The following PRLR variants were observed in gnomAD, a reference collection of about 807,000 sequenced individuals.
PRLR encodes the protein prolactin receptor.
A neutral mutation model predicts 40.2 loss-of-function variants in PRLR; 13 were observed. The ratio of observed to expected loss-of-function variants is 0.32; its 90% CI spans 0.21 to 0.51. PRLR has a LOEUF of 0.51. Ranked by LOEUF, PRLR falls within the 20% of genes least tolerant of loss-of-function variation. The pLI, the probability that PRLR is intolerant of heterozygous loss-of-function variation, is 0.97. For synonymous variants in PRLR, 269 were observed against 278.7 expected, an observed-to-expected ratio of 0.97 and a Z score of 0.35; for missense variants, 656 against 747.3, an observed-to-expected ratio of 0.88 and a Z score of 1.42.
chr5:35,220,980 A>C (rs1776402323), intron 1 of PRLR, among the ~76,000 whole-genome samples: 2 of 152,204 alleles, frequency 1.3e-5, no homozygotes, highest in African/African-American at 2.4e-5. Flanking sequence ...AGATTCTTCC[A>C]CATTTAGGAT....
At chr5:35,198,262 C>T (rs769898551) in intron 1 of PRLR, among the ~76,000 whole-genome samples, 1 of 152,254 alleles carries the variant, frequency 6.6e-6, no homozygotes, top group Non-Finnish European at 1.5e-5. Flanking sequence ...TCCAGCAGTG[C>T]TGGCCCTGAG....
intron 1 of PRLR, among the ~76,000 whole-genome samples, chr5:35,154,285 C>G (rs1579739600): frequency 1.3e-5 from 2 of 152,220 alleles, no homozygotes; most frequent in South Asian, 4.2e-4. Flanking sequence ...ACTGGATGCT[C>G]AAATAATTCA....
intron 1 of PRLR, among the ~76,000 whole-genome samples, chr5:35,127,950 T>C (rs1773525857): frequency 6.6e-6 from 1 of 152,082 alleles, no homozygotes; most frequent in Admixed American, 6.5e-5. Flanking sequence ...CAACTGTAAA[T>C]ACAGATGGTC....
chr5:35,199,255 T>C (rs553856010), intron 1 of PRLR, among the ~76,000 whole-genome samples: 2 of 152,298 alleles, frequency 1.3e-5, no homozygotes, highest in East Asian at 3.9e-4. Context: ...ATGCAGGCCC[T>C]AGTTCTTTTC....
intron 1 of PRLR, among the ~76,000 whole-genome samples, chr5:35,190,612 C>T (rs1775574291): frequency 1.1e-5 from 1 of 91,428 alleles, no homozygotes; most frequent in Non-Finnish European, 2.8e-5. Flanking sequence ...GACTTTGCCT[C>T]AGGAAAAAAA....
chr5:35,087,422 T>TGTGTGTGTG lies in PRLR; in HGVS notation c.71-1083_71-1082insCACACACAC, dbSNP rs1561284886. Among the ~76,000 whole-genome samples, 386 of 140,930 alleles carry TGTGTGTGTG rather than the reference T, an allele frequency of 2.7e-3. 1 individual carries two copies. Among genetic ancestry groups the TGTGTGTGTG allele is most frequent in the Non-Finnish European group, 5.0e-3 (323 of 64,506 alleles). The allele number at this position is 140,930 out of a possible 152,430, so 92.5% of individuals were successfully genotyped here. A position where few individuals can be genotyped will look rare whatever the true frequency, so the allele number is the denominator to read the frequency against. ...TCTCTTAGATTTTCCTCTCTTTCCT[T>TGTGTGTGTG]TGTGTGTGTGTGTGTGTGTGTGTGT... is the stretch of plus-strand genomic sequence containing the variant. On this transcript the variant is annotated intron_variant, in intron 3 of 9. Coordinates refer to ENST00000618457, the MANE Select transcript of PRLR (RefSeq NM_000949.7).
At chr5:35,159,275 A>G (rs78670707) in intron 1 of PRLR, among the ~76,000 whole-genome samples, 1,879 of 151,582 alleles carry the variant, frequency 0.012, 44 homozygotes, top group African/African-American at 0.044. Context: ...CCAGAGAACG[A>G]TTATGGCTCT....
At chr5:35,114,006 T>C (rs184000045) in intron 2 of PRLR, among the ~76,000 whole-genome samples, 266 of 152,334 alleles carry the variant, frequency 1.7e-3, no homozygotes, top group Admixed American at 3.8e-3. Context: ...AAGCTAACCA[T>C]GGTGATCTCA....
In PRLR at chr5:35,065,271, C is replaced by T; in HGVS notation, c.1687G>A (p.Asp563Asn). The change falls in exon 10 of 10, where the codon GAT becomes AAT. Residue 563 changes from aspartate to asparagine, a missense_variant. This residue lies in a region of PRLR where 469 missense variants were observed against 491.5 expected (regional missense o/e 0.95). Transcript: ENST00000618457. Reference protein sequence around the residue: ...MDNNILVLVPDPHAKNVACFE... With the variant: ...MDNNILVLVPNPHAKNVACFE... The stretch of plus-strand genomic sequence containing the variant: ...CAAGCCACGTTTTTAGCATGTGGAT[C>T]TGGCACCAACACCAGGATGTTGTTA... 6.2e-7 allele frequency: 1 copy of T among 1,614,168 alleles called. No individual in the cohort carries two copies. The highest frequency in any genetic ancestry group is 1.3e-5 in the African/African-American group (1 of 75,048).
At chr5:35,103,611 G>A in intron 2 of PRLR, among the ~76,000 whole-genome samples, 1 of 152,192 alleles carries the variant, frequency 6.6e-6, no homozygotes, top group Non-Finnish European at 1.5e-5. Flanking sequence ...CAAAATGTTA[G>A]TCAATTTCTT....
At chr5:35,096,855 A>G (rs1771562773) in intron 2 of PRLR, among the ~76,000 whole-genome samples, 1 of 152,084 alleles carries the variant, frequency 6.6e-6, no homozygotes, top group African/African-American at 2.4e-5. Context: ...CCTGGTCTCA[A>G]GTGATCTGCC....
intron 1 of PRLR, among the ~76,000 whole-genome samples, chr5:35,161,086 AT>A (rs1277981215): frequency 6.6e-6 from 1 of 152,226 alleles, no homozygotes; most frequent in Non-Finnish European, 1.5e-5. Flanking sequence ...TATCTAGTCA[AT>A]TACAAACATA....
At chr5:35,053,632 T>C (rs1166618213), downstream of PRLR, among the ~76,000 whole-genome samples, 1 of 152,122 alleles carries the variant, frequency 6.6e-6, no homozygotes. Flanking sequence ...ATAAAACATA[T>C]GCAAACATTT....
At chr5:35,125,817 A>G (rs1773440343) in intron 1 of PRLR, among the ~76,000 whole-genome samples, 2 of 152,168 alleles carry the variant, frequency 1.3e-5, no homozygotes, top group Admixed American at 1.3e-4. Context: ...AATCAGGAAG[A>G]CTGTTGAGAG....
intron 1 of PRLR, among the ~76,000 whole-genome samples, chr5:35,198,704 C>T (rs187532529): frequency 6.6e-6 from 1 of 151,750 alleles, no homozygotes; most frequent in South Asian, 2.1e-4. Context: ...TTTTTGTTTC[C>T]ACCACTTGGT....
intron 8 of PRLR, among the ~76,000 whole-genome samples, chr5:35,050,421 T>G (rs1768456676): frequency 1.3e-5 from 2 of 152,238 alleles, no homozygotes; most frequent in Admixed American, 6.5e-5. Flanking sequence ...TGACACCTGC[T>G]GAGTCTCTCT....
chr5:35,206,142 TTAAAAGGG>T, intron 1 of PRLR, among the ~76,000 whole-genome samples: 1 of 152,206 alleles, frequency 6.6e-6, no homozygotes, highest in Admixed American at 6.5e-5. Flanking sequence ...CTGGGTTAGA[TTAAAAGGG>T]GTTGTAGAGG....
At position 35,199,913 on chromosome 5, in the gene PRLR, A is replaced by G. The variant is rs1775834768; in HGVS notation, c.-106+30355T>C. Among the ~76,000 whole-genome samples, 3 of 152,246 alleles carry G rather than the reference A, an allele frequency of 2.0e-5. No homozygotes were observed. In the South Asian group the frequency reaches 6.2e-4, roughly 31 times the overall value. ...GGAAAAAATGCTCTGATAAACTGTC[A>G]TAAAGAAAAGAGTAGGAAATGGGGT... On this transcript the variant is annotated intron_variant, in intron 1 of 9. Coordinates refer to ENST00000618457, the MANE Select transcript of PRLR (RefSeq NM_000949.7).
At chr5:35,125,410 G>A (rs1280518875) in intron 1 of PRLR, among the ~76,000 whole-genome samples, 1 of 152,138 alleles carries the variant, frequency 6.6e-6, no homozygotes, top group African/African-American at 2.4e-5. Context: ...ACAAGCTAGG[G>A]CTACACTAAT....
Sources: gnomAD v4.1 joint callset for allele counts (sites outside exome capture counted in the v4.1 genomes callset) on GRCh38, gnomAD v4.1.1 for gene constraint, gnomAD v4.1.1 regional missense constraint, MANE v1.5 for transcripts, NCBI Gene and HGNC (gene_info 2026-07-23, HGNC 2026-07-21) for gene names.